The following RGS12 variants were observed in gnomAD, a reference collection of about 807,000 sequenced individuals.
RGS12 encodes regulator of G-protein signaling 12.
A neutral mutation model predicts 120.1 loss-of-function variants in RGS12; 66 were observed. The observed-to-expected ratio is 0.55, with a 90% CI of 0.45 to 0.67. The LOEUF (loss-of-function observed/expected upper bound fraction) is 0.67, where lower values mean the gene tolerates loss of function less well. Among genes scored for constraint, RGS12 ranks in the 30% least tolerant of loss-of-function variants. The pLI is 0.00. For synonymous variants in RGS12, 827 were observed against 804.7 expected (o/e 1.03, Z -0.47); for missense variants, 1,859 against 1,957.7 (o/e 0.95, Z 0.95).
At chr4:3,428,395 A>G in intron 15 of RGS12, 163 bp from the exon 16 acceptor site, 1 of 774,282 alleles carries the variant, frequency 1.3e-6, no homozygotes, top group South Asian at 1.8e-5. Flanking sequence ...CTTAAATGCT[A>G]TTCTTGTTTG....
chr4:3,358,196 T>G (rs1031171028), intron 3 of RGS12, among the ~76,000 whole-genome samples: 12 of 152,320 alleles, frequency 7.9e-5, no homozygotes, highest in African/African-American at 2.9e-4. Flanking sequence ...CTTTGTGTCC[T>G]CCTGTTGGCA....
chr4:3,431,599 G>GC, intron 17 of RGS12: 1 of 985,598 alleles, frequency 1.0e-6, no homozygotes, highest in Non-Finnish European at 1.2e-6. Flanking sequence ...GGATGGCCTG[G>GC]CAGCAGGGAT....
At chr4:3,428,770 T>A in intron 16 of RGS12, 59 bp downstream of exon 16, 1 of 1,431,428 alleles carries the variant, frequency 7.0e-7, no homozygotes, top group Non-Finnish European at 9.5e-7. Context: ...GTTTCCAGTA[T>A]AGTCAGTAGA....
intron 17 of RGS12, among the ~76,000 whole-genome samples, chr4:3,439,005 G>A (rs1725066933): frequency 6.6e-6 from 1 of 152,058 alleles, no homozygotes; most frequent in Non-Finnish European, 1.5e-5. Flanking sequence ...CGTTCCACCA[G>A]GCCAAGAGGG....
At chr4:3,415,833 C>CT (rs998362725) in intron 6 of RGS12, 145 bp from the exon 7 acceptor site, 2 of 828,854 alleles carry the variant, frequency 2.4e-6, no homozygotes, top group African/African-American at 3.5e-5. Context: ...TCTGGCCACA[C>CT]TTTTATTTAT....
At chr4:3,386,072 G>A in intron 3 of RGS12, 1 of 318,154 alleles carries the variant, frequency 3.1e-6, no homozygotes, top group Non-Finnish European at 5.8e-6. Context: ...GTTGGTGGCT[G>A]CCCCCAGTGT....
rs1725470285 is a variant in RGS12, at chr4:3,325,054, T to TA, written c.1881+7010dup. ...TGGTCAAAATATTTTAAACTAGTTA[T>TA]AAAAAAATCTGCCAAAGGGGAAAAA... On this transcript the variant is annotated intron_variant, in intron 2 of 17. Coordinates refer to ENST00000336727, the MANE Select transcript of RGS12 (RefSeq NM_001394154.1). Among the ~76,000 whole-genome samples the TA allele has an allele frequency of 3.3e-5, 5 of 152,204 alleles. No homozygotes were observed. In the South Asian group the frequency reaches 6.2e-4, roughly 19 times the overall value.
At chr4:3,370,236 C>G (rs144125498) in intron 3 of RGS12, 9 of 1,613,270 alleles carry the variant, frequency 5.6e-6, no homozygotes, top group Non-Finnish European at 7.6e-6. Context: ...GTGTCTTAGA[C>G]CCGGGTGCCT....
chr4:3,302,235 C>T (rs931158349), intron 1 of RGS12, among the ~76,000 whole-genome samples: 5 of 152,300 alleles, frequency 3.3e-5, no homozygotes, highest in South Asian at 4.1e-4. Context: ...CTGTGGCCTC[C>T]GTGTGTCCTG....
At chr4:3,288,762 C>T (rs1336531587), upstream of RGS12, among the ~76,000 whole-genome samples, 1 of 152,210 alleles carries the variant, frequency 6.6e-6, no homozygotes, top group African/African-American at 2.4e-5. The surrounding 1 kb of genome is among the most constrained non-coding windows in gnomAD (Gnocchi z 5.2). Flanking sequence ...TGAAGGGACT[C>T]TGGGCCTTTG....
chr4:3,398,835 C>T (rs978208943), intron 4 of RGS12, among the ~76,000 whole-genome samples: 4 of 151,930 alleles, frequency 2.6e-5, no homozygotes, highest in Admixed American at 6.6e-5. Context: ...ATGGAAAATA[C>T]ACTTTTTTTC....
intron 1 of RGS12, among the ~76,000 whole-genome samples, chr4:3,297,192 C>T (rs1174967345): frequency 3.3e-5 from 5 of 152,308 alleles, no homozygotes; most frequent in South Asian, 4.1e-4. Flanking sequence ...TGGTGATACC[C>T]GATACGCATA....
At chr4:3,399,217 G>A (rs867476746) in intron 4 of RGS12, among the ~76,000 whole-genome samples, 5 of 152,118 alleles carry the variant, frequency 3.3e-5, no homozygotes, top group South Asian at 2.1e-4. Flanking sequence ...GTTTTCAACA[G>A]AAGCAAGTAC....
intron 9 of RGS12, among the ~76,000 whole-genome samples, chr4:3,419,687 G>A (rs1391015352): frequency 6.6e-6 from 1 of 152,016 alleles, no homozygotes; most frequent in African/African-American, 2.4e-5. Context: ...AAGTGTGGTG[G>A]CGCACCTGTT....
Position 3,317,966 on chromosome 4 carries a change from A to G in RGS12, c.1796A>G (p.Lys599Arg). The G allele has an allele frequency of 1.2e-6, 2 of 1,614,202 alleles. No individual in the cohort carries two copies. The highest frequency in any genetic ancestry group is 1.1e-5 in the South Asian group (1 of 91,060). Residue 599 changes from lysine to arginine, a missense_variant, in exon 2 of 18, where the codon AAG (lysine) becomes AGG (arginine). Around this residue, in one of 3 missense-constraint regions of RGS12, gnomAD observed 967 missense variants for 994.2 expected, o/e 0.97. Coordinates refer to ENST00000336727, the MANE Select transcript of RGS12 (RefSeq NM_001394154.1). ...GCGCAGCCCCCGCTGAATGCCCCGA[A>G]GAGGGAGTGGTCCAGGAAGGCCTTT... is the stretch of plus-strand genomic sequence containing the variant. Reference protein sequence around the residue: ...SFAQPPLNAPKREWSRKAFGM... With the variant: ...SFAQPPLNAPRREWSRKAFGM...
chr4:3,407,888 C>A (rs754495811), intron 4 of RGS12, among the ~76,000 whole-genome samples: 1 of 152,194 alleles, frequency 6.6e-6, no homozygotes, highest in African/African-American at 2.4e-5. Context: ...ATATACATGG[C>A]GGCTTTTCCA....
chr4:3,354,345 G>A (rs531613244), intron 3 of RGS12, among the ~76,000 whole-genome samples: 5 of 152,148 alleles, frequency 3.3e-5, no homozygotes, highest in African/African-American at 7.2e-5. Flanking sequence ...ATTCTGCCAG[G>A]TACACACCTG....
At position 3,317,970 on chromosome 4, in the gene RGS12, G is replaced by T. The variant is rs779402269; in HGVS notation, c.1800G>T (p.Arg600Ser). The change falls in exon 2 of 18, where the codon AGG becomes AGT. Residue 600 changes from arginine (R) to serine (S), a missense_variant. Around this residue, in one of 3 missense-constraint regions of RGS12, gnomAD observed 967 missense variants for 994.2 expected, o/e 0.97. Transcript: ENST00000336727. ...AGCCCCCGCTGAATGCCCCGAAGAG[G>T]GAGTGGTCCAGGAAGGCCTTTGGAA... ...FAQPPLNAPK[R>S]EWSRKAFGMQ... 5 of 1,612,910 alleles carry T rather than the reference G, an allele frequency of 3.1e-6. No homozygotes were observed. Among genetic ancestry groups the T allele is most frequent in the Non-Finnish European group, 3.4e-6 (4 of 1,179,456 alleles).
At chr4:3,324,412 T>C (rs1725422796) in intron 2 of RGS12, 1 of 232,456 alleles carries the variant, frequency 4.3e-6, no homozygotes, top group South Asian at 5.2e-5. Flanking sequence ...GTGCCAGTGC[T>C]GTCTTTTAGT....
Sources: gnomAD v4.1 joint callset for allele counts (sites outside exome capture counted in the v4.1 genomes callset) on GRCh38, gnomAD v4.1.1 for gene constraint, gnomAD v4.1.1 regional missense constraint, Gnocchi (gnomAD v3.1) non-coding constraint, MANE v1.5 for transcripts, NCBI Gene and HGNC (gene_info 2026-07-23, HGNC 2026-07-21) for gene names.